Variants in ERBB4 observed in about 807,000 individuals in gnomAD.
ERBB4 encodes receptor tyrosine-protein kinase erbB-4.
A neutral mutation model predicts 158.0 loss-of-function variants in ERBB4; 42 were observed. That is an observed-to-expected ratio of 0.27 (90% CI 0.21 to 0.34). The LOEUF is 0.34. Ranked by LOEUF, ERBB4 falls within the 10% of genes least tolerant of loss-of-function variation. ERBB4 has a pLI of 1.00. For synonymous variants in ERBB4, 583 were observed against 558.7 expected (o/e 1.04, Z -0.61); for missense variants, 1,333 against 1,624.1 (o/e 0.82, Z 3.08).
At chr2:211,972,439 A>G (rs71468269) in intron 2 of ERBB4, among the ~76,000 whole-genome samples, 1 of 152,204 alleles carries the variant, frequency 6.6e-6, no homozygotes, top group African/African-American at 2.4e-5. Context: ...AGACCTGCAT[A>G]GCCAAGGCAA....
At chr2:211,522,111 T>C (rs778904135) in intron 20 of ERBB4, among the ~76,000 whole-genome samples, 1 of 152,178 alleles carries the variant, frequency 6.6e-6, no homozygotes, top group African/African-American at 2.4e-5. Flanking sequence ...AGGGTATAAC[T>C]ACCACAGATA....
At chr2:212,110,575 C>T (rs941684150) in intron 2 of ERBB4, among the ~76,000 whole-genome samples, 2 of 152,182 alleles carry the variant, frequency 1.3e-5, no homozygotes, top group African/African-American at 2.4e-5. Flanking sequence ...AAGGCGAAGT[C>T]CACTGATATC....
chr2:212,498,737 C>T (rs1320796666), intron 1 of ERBB4, among the ~76,000 whole-genome samples: 2 of 151,964 alleles, frequency 1.3e-5, no homozygotes, highest in East Asian at 3.9e-4. Flanking sequence ...GACTCATAAT[C>T]TTTACTTTCC....
chr2:212,219,253 T>C (rs16847957), intron 1 of ERBB4, among the ~76,000 whole-genome samples: 2,250 of 151,500 alleles, frequency 0.015, 30 homozygotes, highest in African/African-American at 0.043. Context: ...CTAAACATTA[T>C]TGCATTTCTG....
intron 27 of ERBB4, among the ~76,000 whole-genome samples, chr2:211,385,206 A>G (rs1247013725): frequency 2.6e-5 from 4 of 152,164 alleles, no homozygotes; most frequent in Non-Finnish European, 5.9e-5. Flanking sequence ...GTAAGTATTT[A>G]GCATCATTTA....
intron 1 of ERBB4, among the ~76,000 whole-genome samples, chr2:212,417,172 A>G (rs2091675741): frequency 6.6e-6 from 1 of 152,066 alleles, no homozygotes; most frequent in Non-Finnish European, 1.5e-5. Context: ...TACCTCGTAC[A>G]TCATCAGTTA....
intron 7 of ERBB4, among the ~76,000 whole-genome samples, chr2:211,715,902 T>C (rs62182969): frequency 0.1 from 15,323 of 152,240 alleles, 1,195 homozygotes; most frequent in African/African-American, 0.22. Flanking sequence ...GGAAATGCGT[T>C]ACAATGAAAC....
intron 1 of ERBB4, among the ~76,000 whole-genome samples, chr2:212,441,539 T>C (rs1253937344): frequency 1.3e-5 from 2 of 152,254 alleles, no homozygotes; most frequent in Admixed American, 6.5e-5. Context: ...AGTTTTCTAA[T>C]CTATATAAGT....
intron 20 of ERBB4, among the ~76,000 whole-genome samples, chr2:211,481,846 A>C (rs1380537462): frequency 6.6e-6 from 1 of 152,166 alleles, no homozygotes; most frequent in Non-Finnish European, 1.5e-5. Context: ...ATGTTGATTT[A>C]CTCTCCCAAC....
intron 12 of ERBB4, among the ~76,000 whole-genome samples, chr2:211,691,882 T>C (rs2072836177): frequency 6.6e-6 from 1 of 151,950 alleles, no homozygotes; most frequent in East Asian, 1.9e-4. Context: ...AAGGGACAGA[T>C]TGTGCAGGAC....
chr2:212,350,965 G>A (rs2089226275), intron 1 of ERBB4, among the ~76,000 whole-genome samples: 1 of 152,112 alleles, frequency 6.6e-6, no homozygotes, highest in African/African-American at 2.4e-5. Context: ...TCTCCATGGA[G>A]CAGGGAAGGG....
intron 19 of ERBB4, among the ~76,000 whole-genome samples, chr2:211,604,207 C>T (rs911029604): frequency 6.6e-6 from 1 of 151,960 alleles, no homozygotes; most frequent in African/African-American, 2.4e-5. Flanking sequence ...CAATCAACAC[C>T]CTGAGAGAAA....
At chr2:212,095,752 G>C (rs1559488447) in intron 2 of ERBB4, among the ~76,000 whole-genome samples, 1 of 151,968 alleles carries the variant, frequency 6.6e-6, no homozygotes, top group Non-Finnish European at 1.5e-5. Flanking sequence ...CTAACACGGT[G>C]AAACCCCGTC....
intron 2 of ERBB4, among the ~76,000 whole-genome samples, chr2:212,079,302 C>T (rs184545877): frequency 6.6e-6 from 1 of 151,948 alleles, no homozygotes; most frequent in African/African-American, 2.4e-5. Context: ...TTCTTAATCG[C>T]TCTATTTTTT....
At chr2:211,558,973 T>C (rs1349231154) in intron 20 of ERBB4, among the ~76,000 whole-genome samples, 2 of 152,156 alleles carry the variant, frequency 1.3e-5, no homozygotes, top group African/African-American at 4.8e-5. Flanking sequence ...TTCCTAAATG[T>C]ATATATACAG....
Position 212,339,844 on chromosome 2 carries a change from T to C in ERBB4, c.82+198605A>G, listed in dbSNP as rs569814252. On this transcript the variant is annotated intron_variant, in intron 1 of 27. Transcript: ENST00000342788. ...TATAATATTATTGTAGTCCAGAAAA[T>C]CTGTATACTATAATTCCTAGGGAAA... Among the ~76,000 whole-genome samples, 91 of 152,110 alleles carry C rather than the reference T, an allele frequency of 6.0e-4. 1 individual carries two copies. The highest frequency in any genetic ancestry group is 2.1e-3 in the African/African-American group (87 of 41,510).
intron 1 of ERBB4, among the ~76,000 whole-genome samples, chr2:212,533,506 C>T (rs1297323817): frequency 6.6e-6 from 1 of 152,084 alleles, no homozygotes; most frequent in Non-Finnish European, 1.5e-5. Flanking sequence ...GTCCCATGTC[C>T]CATTTAACCA....
intron 4 of ERBB4, among the ~76,000 whole-genome samples, chr2:211,768,527 T>C (rs1238463594): frequency 6.6e-6 from 1 of 152,214 alleles, no homozygotes; most frequent in Non-Finnish European, 1.5e-5. Flanking sequence ...TGCAGACATT[T>C]CCATACATCC....
rs1400609643 is a variant in ERBB4 at position 212,533,540 on chromosome 2, C to T, written c.82+4909G>A. 1.3e-5 allele frequency among the ~76,000 whole-genome samples: 2 copies of T among 152,248 alleles called. 1 individual carries two copies. Among genetic ancestry groups the T allele is most frequent in the South Asian group, 4.1e-4 (2 of 4,822 alleles). The stretch of plus-strand genomic sequence containing the variant: ...CACAAAATAGGCAATTAAAGTCTCC[C>T]TCAAATTATGTTGAAGACATACAGT... On this transcript the variant is annotated intron_variant, in intron 1 of 27. Transcript: ENST00000342788.
Sources: gnomAD v4.1 joint callset for allele counts (sites outside exome capture counted in the v4.1 genomes callset) on GRCh38, gnomAD v4.1.1 for gene constraint, MANE v1.5 for transcripts, NCBI Gene and HGNC (gene_info 2026-07-23, HGNC 2026-07-21) for gene names.